Variants in SCAF11 observed in about 807,000 individuals in gnomAD.
SCAF11 encodes the protein protein SCAF11.
In SCAF11, 47 loss-of-function variants were observed where a neutral mutation model predicts 140.5. The ratio of observed to expected loss-of-function variants is 0.33; its 90% CI spans 0.26 to 0.43. The LOEUF is 0.43. SCAF11 is among the 20% of genes least tolerant of loss of function. The pLI is 1.00. For synonymous variants in SCAF11, 557 were observed against 579.4 expected, an observed-to-expected ratio of 0.96 and a Z score of 0.55; for missense variants, 1,645 against 1,705.1, an observed-to-expected ratio of 0.96 and a Z score of 0.62.
chr12:45,927,343 C>T lies in SCAF11; in HGVS notation c.2358G>A (p.Lys786=). 1 of 1,613,944 alleles carries T rather than the reference C, an allele frequency of 6.2e-7. No homozygotes were observed. The highest frequency in any genetic ancestry group is 1.3e-5 in the African/African-American group (1 of 74,988). Reference sequence around the variant, plus strand: ...GAAATCTAGATCTTCGAGTACGAGGCTTTTTGGTTTTATCTATGGTATCTT... The same window carrying T: ...GAAATCTAGATCTTCGAGTACGAGGTTTTTTGGTTTTATCTATGGTATCTT... ...SPKDTIDKTK[K]PRTRRSRFHS... Residue 786 remains lysine (K), a synonymous_variant, in exon 11 of 15, where the codon AAG becomes AAA. Coordinates refer to ENST00000369367, the MANE Select transcript of SCAF11 (RefSeq NM_004719.3).
At chr12:45,942,693 T>C (rs543677783) in intron 6 of SCAF11, among the ~76,000 whole-genome samples, 56 of 152,334 alleles carry the variant, frequency 3.7e-4, no homozygotes, top group Non-Finnish European at 6.6e-4. Context: ...TGGCTTAACT[T>C]CTTACTTCTT....
At chr12:45,946,955 C>G (rs10880871) in intron 5 of SCAF11, among the ~76,000 whole-genome samples, 58,423 of 151,952 alleles carry the variant, frequency 0.38, 13,286 homozygotes, top group East Asian at 0.55. Context: ...CAGAAGGGAT[C>G]TGAATCATTC....
chr12:45,933,317 G>A (rs747721903), intron 8 of SCAF11, 85 bp from the exon 9 acceptor site: 15 of 819,976 alleles, frequency 1.8e-5, no homozygotes, highest in South Asian at 3.6e-5. Flanking sequence ...AATAGCAGTC[G>A]TTTTTGTACC....
intron 9 of SCAF11, 113 bp from the exon 10 acceptor site, chr12:45,931,725 T>C: frequency 2.0e-6 from 1 of 495,992 alleles, no homozygotes; most frequent in East Asian, 3.6e-5. Context: ...AGTGCTTAAA[T>C]GTTTTTTGCC....
At chr12:45,929,804 T>C (rs897903929) in intron 10 of SCAF11, 4 of 152,198 alleles carry the variant, frequency 2.6e-5, no homozygotes, top group Non-Finnish European at 5.9e-5. Context: ...CTACCTCACA[T>C]AGTTATAATT....
chr12:45,977,417 C>T (rs1946259577), intron 1 of SCAF11, among the ~76,000 whole-genome samples: 1 of 151,946 alleles, frequency 6.6e-6, no homozygotes, highest in Non-Finnish European at 1.5e-5. Context: ...TTAGCAGTTA[C>T]CTGGGTTAGG....
chr12:45,990,214 G>A (rs1260329903), intron 1 of SCAF11, 139 bp downstream of exon 1: 3 of 1,168,476 alleles, frequency 2.6e-6, no homozygotes, highest in African/African-American at 1.6e-5. Context: ...GACGTCGCAC[G>A]GGCCGCGCGA....
At chr12:45,960,416 C>A (rs1259690207) in intron 3 of SCAF11, 1 of 152,034 alleles carries the variant, frequency 6.6e-6, no homozygotes, top group Non-Finnish European at 1.5e-5. Flanking sequence ...AGCAAAATCT[C>A]TAAAAAAATT....
chr12:45,940,407 T>C (rs753608465), intron 6 of SCAF11, among the ~76,000 whole-genome samples: 1 of 152,208 alleles, frequency 6.6e-6, no homozygotes, highest in Non-Finnish European at 1.5e-5. Flanking sequence ...CAGACAACCA[T>C]AAAGTGAGAG....
In SCAF11 at chr12:45,931,552, C is replaced by T; in HGVS notation, c.795G>A (p.Leu265=). The change falls in exon 10 of 15, where the codon TTG becomes TTA. Residue 265 remains leucine (L), a synonymous_variant. Transcript: ENST00000369367. ...TEVLPLISSV[L]PRTIFPTSTI... ...TACTTGTTGGAAAAATAGTTCTTGG[C>T]AACACAGAAGAAATGAGAGGAAGGA... 1.3e-6 allele frequency: 2 copies of T among 1,514,824 alleles called. No homozygotes were observed. Among genetic ancestry groups the T allele is most frequent in the South Asian group, 1.4e-5 (1 of 69,966 alleles). The allele number at this position is 1,514,824 out of a possible 1,614,324, so 93.8% of individuals were successfully genotyped here.
rs755602543 is a variant in SCAF11 at position 45,926,161 on chromosome 12, CTCT to C, written c.3537_3539del (p.Glu1182del). 9.6e-4 allele frequency: 1,552 copies of C among 1,612,420 alleles called. 1 individual carries two copies. Among genetic ancestry groups the C allele is most frequent in the Non-Finnish European group, 1.2e-3 (1,463 of 1,178,864 alleles). On this transcript the variant is annotated inframe_deletion, in exon 11 of 15. Coordinates refer to ENST00000369367, the MANE Select transcript of SCAF11 (RefSeq NM_004719.3). ...CATTACCCTGTCCAGATGTTTCCTC[CTCT>C]TGTTTCATCCATCCAGACTGTGGAC...
At chr12:45,955,066 C>T (rs1359064098) in intron 3 of SCAF11, 1 of 152,000 alleles carries the variant, frequency 6.6e-6, no homozygotes, top group Non-Finnish European at 1.5e-5. Flanking sequence ...AAAACTACTG[C>T]CATATATCAT....
chr12:45,988,891 A>C (rs772700904), intron 1 of SCAF11, among the ~76,000 whole-genome samples: 1 of 152,210 alleles, frequency 6.6e-6, no homozygotes, highest in Non-Finnish European at 1.5e-5. Flanking sequence ...GTTTTTAAAA[A>C]ACTCACATTG....
intron 1 of SCAF11, among the ~76,000 whole-genome samples, chr12:45,980,099 T>C (rs2136660429): frequency 6.6e-6 from 1 of 152,282 alleles, no homozygotes; most frequent in East Asian, 1.9e-4. Flanking sequence ...ATCTCAATTT[T>C]ACATACAATG....
chr12:45,965,849 A>C (rs1426832843), intron 1 of SCAF11, among the ~76,000 whole-genome samples: 1 of 152,226 alleles, frequency 6.6e-6, no homozygotes, highest in Non-Finnish European at 1.5e-5. Flanking sequence ...AATAAGGAGA[A>C]ATACAAAGTC....
chr12:45,953,329 G>T (rs2136583764), intron 3 of SCAF11, among the ~76,000 whole-genome samples: 1 of 152,316 alleles, frequency 6.6e-6, no homozygotes, highest in East Asian at 1.9e-4. Context: ...TACCCTGTAT[G>T]AAATTTCTTA....
At chr12:45,934,092 C>T in intron 8 of SCAF11, 84 bp downstream of exon 8, 4 of 782,452 alleles carry the variant, frequency 5.1e-6, no homozygotes, top group Non-Finnish European at 7.6e-6. Context: ...TTTTATTGGG[C>T]CCAGAGTTTA....
chr12:45,970,513 T>C (rs1467095755), intron 1 of SCAF11, among the ~76,000 whole-genome samples: 1 of 152,180 alleles, frequency 6.6e-6, no homozygotes, highest in Non-Finnish European at 1.5e-5. Context: ...CAGAGGTGAA[T>C]AAAAGGGAAA....
rs531671186 is a variant in SCAF11 at position 45,920,560 on chromosome 12, T to G, written c.*1488A>C. The G allele has an allele frequency of 6.6e-6, 1 of 152,538 alleles. No homozygotes were observed. Among genetic ancestry groups the G allele is most frequent in the East Asian group, 1.9e-4 (1 of 5,174 alleles). The allele number at this position is 152,538 out of a possible 1,614,324, so 9.4% of individuals were successfully genotyped here. On this transcript the variant is annotated 3_prime_UTR_variant, in exon 15 of 15. Coordinates refer to ENST00000369367, the MANE Select transcript of SCAF11 (RefSeq NM_004719.3). ...TTAAAATAATGGCACAATAAACATTTTAAACTTACCTTTTATAAAAACTGA... is the reference window on the plus strand; with the variant it reads ...TTAAAATAATGGCACAATAAACATTGTAAACTTACCTTTTATAAAAACTGA...
Sources: gnomAD v4.1 joint callset for allele counts (sites outside exome capture counted in the v4.1 genomes callset) on GRCh38, gnomAD v4.1.1 for gene constraint, MANE v1.5 for transcripts, NCBI Gene and HGNC (gene_info 2026-07-23, HGNC 2026-07-21) for gene names.